The following ANKRD30B variants were observed in gnomAD, a reference collection of about 807,000 sequenced individuals.
ANKRD30B encodes the protein ankyrin repeat domain-containing protein 30B.
In ANKRD30B, 144 loss-of-function variants were observed where a neutral mutation model predicts 202.2. The ratio of observed to expected loss-of-function variants is 0.71; its 90% CI spans 0.62 to 0.82. The LOEUF (loss-of-function observed/expected upper bound fraction) is 0.82, where lower values mean the gene tolerates loss of function less well. Ranked by LOEUF, ANKRD30B falls within the 40% of genes least tolerant of loss-of-function variation. The probability of loss-of-function intolerance (pLI) is 0.00; values close to 1 mark genes in which losing one functional copy is unlikely to be tolerated. For missense variants in ANKRD30B, 1,487 were observed against 1,669.1 expected (o/e 0.89, Z 1.90); for synonymous variants, 508 against 561.3 (o/e 0.91, Z 1.34).
chr18:14,839,635 C>T lies in ANKRD30B; in HGVS notation c.2989-953C>T, dbSNP rs531805248. On this transcript the variant is annotated intron_variant, in intron 36 of 43. Coordinates refer to ENST00000690538, the MANE Select transcript of ANKRD30B (RefSeq NM_001367607.2). ...CTTTTCTGAAGTTATGCCTTAAGAA[C>T]GAATTGCATACTTTATCTAATGATT... 7.2e-4 allele frequency among the ~76,000 whole-genome samples: 110 copies of T among 152,236 alleles called. 3 individuals are homozygous for T. In the South Asian group the frequency reaches 0.022, roughly 30 times the overall value.
At chr18:14,776,946 CT>C (rs1967393765) in intron 9 of ANKRD30B, among the ~76,000 whole-genome samples, 1 of 152,190 alleles carries the variant, frequency 6.6e-6, no homozygotes, top group Non-Finnish European at 1.5e-5. Flanking sequence ...ATGACATACT[CT>C]GAAAATTCTC....
the ANKRD30B span, among the ~76,000 whole-genome samples, chr18:14,890,608 T>C: frequency 6.6e-6 from 1 of 151,374 alleles, no homozygotes; most frequent in Non-Finnish European, 1.5e-5. Context: ...AACCCAGACA[T>C]TCTGGCTCTT....
chr18:14,874,106 C>CTTTAATTGT, the ANKRD30B span, among the ~76,000 whole-genome samples: 1 of 152,176 alleles, frequency 6.6e-6, no homozygotes, highest in African/African-American at 2.4e-5. Context: ...AATTGTCTCA[C>CTTTAATTGT]CAATTAAGTG....
At chr18:14,835,045 T>C (rs879897893) in intron 34 of ANKRD30B, among the ~76,000 whole-genome samples, 47 of 151,926 alleles carry the variant, frequency 3.1e-4, no homozygotes, top group Admixed American at 9.2e-4. Flanking sequence ...CTTACTCTTT[T>C]ATATAACCTT....
At chr18:14,932,953 C>T in the ANKRD30B span, among the ~76,000 whole-genome samples, 1 of 152,210 alleles carries the variant, frequency 6.6e-6, no homozygotes, top group Non-Finnish European at 1.5e-5. Context: ...AAAAAATACA[C>T]CATGAAATAT....
intron 30 of ANKRD30B, among the ~76,000 whole-genome samples, chr18:14,820,572 A>G (rs1255516276): frequency 6.6e-6 from 1 of 152,166 alleles, no homozygotes; most frequent in Non-Finnish European, 1.5e-5. Flanking sequence ...TTTAGCATGA[A>G]GGGTTGTTGA....
the ANKRD30B span, chr18:14,888,712 T>C: frequency 7.5e-6 from 6 of 796,830 alleles, no homozygotes; most frequent in South Asian, 1.9e-5. Flanking sequence ...AATTAAGTTA[T>C]TGCCATAGGA....
intron 36 of ANKRD30B, among the ~76,000 whole-genome samples, chr18:14,839,412 C>T (rs372476368): frequency 6.6e-6 from 1 of 152,114 alleles, no homozygotes; most frequent in Non-Finnish European, 1.5e-5. Context: ...ACAGAGAGGG[C>T]AGTGGACCAT....
chr18:14,795,449 A>C (rs969765854), intron 16 of ANKRD30B, among the ~76,000 whole-genome samples: 1 of 152,172 alleles, frequency 6.6e-6, no homozygotes, highest in African/African-American at 2.4e-5. Context: ...CGCCCTCTTC[A>C]GGCGTCCAAG....
intron 8 of ANKRD30B, among the ~76,000 whole-genome samples, chr18:14,770,817 TA>T (rs549612643): frequency 9.7e-4 from 135 of 139,472 alleles, no homozygotes; most frequent in Middle Eastern, 3.7e-3. Context: ...TATTGAAAGA[TA>T]AAAAAAAAAA....
At chr18:14,756,722 C>T (rs148982349) in intron 4 of ANKRD30B, among the ~76,000 whole-genome samples, 2,252 of 152,206 alleles carry the variant, frequency 0.015, 54 homozygotes, top group African/African-American at 0.052. Flanking sequence ...GGTAAAACCG[C>T]ATCTCTACTA....
At chr18:14,835,213 T>TA (rs1971119503) in intron 34 of ANKRD30B, among the ~76,000 whole-genome samples, 1 of 151,824 alleles carries the variant, frequency 6.6e-6, no homozygotes, top group Non-Finnish European at 1.5e-5. Context: ...CAAAGAAATG[T>TA]AGAAATTATT....
At chr18:14,753,379 C>T (rs1913783955) in intron 3 of ANKRD30B, among the ~76,000 whole-genome samples, 1 of 152,058 alleles carries the variant, frequency 6.6e-6, no homozygotes, top group Non-Finnish European at 1.5e-5. Flanking sequence ...TGGATTTCCT[C>T]TTAAAGGATT....
chr18:14,831,112 A>G (rs1156576270), intron 33 of ANKRD30B, among the ~76,000 whole-genome samples: 6 of 137,128 alleles, frequency 4.4e-5, no homozygotes, highest in Non-Finnish European at 9.2e-5. Context: ...CCCGGGAGGC[A>G]GAGCTTGCAG....
intron 24 of ANKRD30B, among the ~76,000 whole-genome samples, chr18:14,804,263 A>G (rs2144016502): frequency 1.6e-5 from 1 of 62,908 alleles, no homozygotes; most frequent in Admixed American, 2.0e-4. Flanking sequence ...GCCAAAACAT[A>G]CCAGAGAATT....
At chr18:14,806,602 T>C (rs1371119740) in intron 24 of ANKRD30B, among the ~76,000 whole-genome samples, 1 of 149,724 alleles carries the variant, frequency 6.7e-6, no homozygotes, top group Non-Finnish European at 1.5e-5. Flanking sequence ...TCAGATCACA[T>C]TTTAGAACCA....
At chr18:14,815,971 G>A (rs1970078714) in intron 30 of ANKRD30B, among the ~76,000 whole-genome samples, 1 of 152,124 alleles carries the variant, frequency 6.6e-6, no homozygotes, top group Non-Finnish European at 1.5e-5. Context: ...ATATATCCAA[G>A]CTGATCAATT....
intron 30 of ANKRD30B, among the ~76,000 whole-genome samples, chr18:14,821,969 C>G (rs1970446297): frequency 6.6e-6 from 1 of 152,052 alleles, no homozygotes; most frequent in South Asian, 2.1e-4. Flanking sequence ...TAAATTGTAC[C>G]TTTGAATTCT....
intron 32 of ANKRD30B, 61 bp downstream of exon 32, chr18:14,822,738 A>C (rs1486751178): frequency 7.9e-7 from 1 of 1,266,998 alleles, no homozygotes; most frequent in Non-Finnish European, 1.1e-6. Flanking sequence ...TTGAAGTGCC[A>C]AGAGCCTTTT....
Sources: allele counts gnomAD v4.1 joint callset (sites outside exome capture counted in the v4.1 genomes callset), GRCh38; gene constraint gnomAD v4.1.1; transcripts MANE v1.5; gene names NCBI Gene and HGNC (gene_info 2026-07-23, HGNC 2026-07-21).